The following LPCAT1 variants were observed in gnomAD, a reference collection of about 807,000 sequenced individuals.
LPCAT1 encodes 1-acylglycerol-3-phosphate O-acyltransferase.
A neutral mutation model predicts 60.9 loss-of-function variants in LPCAT1; 23 were observed. The ratio of observed to expected loss-of-function variants is 0.38; its 90% CI spans 0.27 to 0.53. LPCAT1 has a LOEUF of 0.53. Ranked by LOEUF, LPCAT1 falls within the 20% of genes least tolerant of loss-of-function variation. LPCAT1 has a pLI of 0.82. For synonymous variants in LPCAT1, 340 were observed against 301.1 expected (o/e 1.13, Z -1.34); for missense variants, 622 against 723.6 (o/e 0.86, Z 1.61).
chr5:1,493,160 C>T (rs1442638690), intron 3 of LPCAT1, among the ~76,000 whole-genome samples: 1 of 152,228 alleles, frequency 6.6e-6, no homozygotes, highest in East Asian at 1.9e-4. Context: ...TCCAGGCTTC[C>T]CCAGCCAGCC....
intron 13 of LPCAT1, among the ~76,000 whole-genome samples, chr5:1,465,105 A>G (rs1220703306): frequency 7.0e-6 from 1 of 142,308 alleles, no homozygotes; most frequent in East Asian, 2.1e-4. Context: ...ACACATGGTA[A>G]CCACACACAT....
intron 1 of LPCAT1, among the ~76,000 whole-genome samples, chr5:1,515,280 G>C (rs575166359): frequency 6.7e-6 from 1 of 148,214 alleles, no homozygotes; most frequent in Admixed American, 6.7e-5. Flanking sequence ...TCCTGCATCA[G>C]GGGATCCTGC....
intron 1 of LPCAT1, among the ~76,000 whole-genome samples, chr5:1,517,231 GC>G (rs1736532078): frequency 1.3e-5 from 2 of 152,082 alleles, no homozygotes; most frequent in Admixed American, 6.5e-5. Context: ...GCGGCTCCTG[GC>G]CATCCTGAGA....
rs928365598 is a variant in LPCAT1, at chr5:1,461,669, C to A, written c.*1982G>T. 1 of 152,780 alleles carries A rather than the reference C, an allele frequency of 6.5e-6. No individual in the cohort carries two copies. Among genetic ancestry groups the A allele is most frequent in the Non-Finnish European group, 1.5e-5 (1 of 68,040 alleles). 9.5% of individuals were successfully genotyped at this position (152,780 alleles called of 1,614,324 possible). A position where few individuals can be genotyped will look rare whatever the true frequency, so the allele number is the denominator to read the frequency against. On this transcript the variant is annotated 3_prime_UTR_variant, in exon 14 of 14. Coordinates refer to ENST00000283415, the MANE Select transcript of LPCAT1 (RefSeq NM_024830.5). ...AATATCCGCCAACTCTAAGTCGCCACGAAGAGAAAAGAGAATCAGGAGGAA... is the reference window on the plus strand; with the variant it reads ...AATATCCGCCAACTCTAAGTCGCCAAGAAGAGAAAAGAGAATCAGGAGGAA...
chr5:1,520,360 G>T (rs561895524), intron 1 of LPCAT1, among the ~76,000 whole-genome samples: 4 of 152,180 alleles, frequency 2.6e-5, no homozygotes, highest in Non-Finnish European at 5.9e-5. Context: ...AGGCAGGGAG[G>T]GGCAGAATCT....
Position 1,477,116 on chromosome 5 carries a change from A to C in LPCAT1, c.899+288T>G, listed in dbSNP as rs11133792. ...GCCCAGGCCAGCGCCCCGCTGGCTC[A>C]TTTAGGGCACAGGAAACATAGGACC... On this transcript the variant is annotated intron_variant, in intron 9 of 13. Transcript: ENST00000283415. The surrounding 1 kb of genome is among the most constrained non-coding windows in gnomAD (Gnocchi z 6.0). Among the ~76,000 whole-genome samples the C allele has an allele frequency of 0.18, 27,286 of 152,276 alleles. 3,265 individuals carry two copies. The highest frequency in any genetic ancestry group is 0.27 in the Non-Finnish European group (18,188 of 67,982).
intron 1 of LPCAT1, among the ~76,000 whole-genome samples, chr5:1,514,279 G>A (rs772834424): frequency 6.6e-6 from 1 of 152,232 alleles, no homozygotes; most frequent in Non-Finnish European, 1.5e-5. Flanking sequence ...TCTGCCCAGT[G>A]AGCGATATCC....
chr5:1,482,880 C>T (rs1735215819), intron 6 of LPCAT1, among the ~76,000 whole-genome samples: 1 of 152,156 alleles, frequency 6.6e-6, no homozygotes, highest in Non-Finnish European at 1.5e-5. Flanking sequence ...GAGCTCTGGA[C>T]CCCAAACACC....
At chr5:1,511,085 A>G (rs1250733249) in intron 1 of LPCAT1, among the ~76,000 whole-genome samples, 1 of 152,198 alleles carries the variant, frequency 6.6e-6, no homozygotes, top group Non-Finnish European at 1.5e-5. Flanking sequence ...TGGGCCCCTA[A>G]GACGGCACTG....
intron 13 of LPCAT1, among the ~76,000 whole-genome samples, chr5:1,465,004 CAT>C (rs1399242931): frequency 6.7e-6 from 1 of 148,174 alleles, no homozygotes; most frequent in Non-Finnish European, 1.5e-5. Flanking sequence ...CACACAATAA[CAT>C]GCACACACAC....
At chr5:1,484,936 G>C (rs1735314442) in intron 5 of LPCAT1, among the ~76,000 whole-genome samples, 1 of 152,206 alleles carries the variant, frequency 6.6e-6, no homozygotes, top group African/African-American at 2.4e-5. Flanking sequence ...GCTGTGTCAG[G>C]GGAGGCGGAG....
intron 2 of LPCAT1, among the ~76,000 whole-genome samples, chr5:1,498,626 G>C (rs1392317569): frequency 2.0e-5 from 3 of 151,150 alleles, no homozygotes; most frequent in African/African-American, 7.3e-5. Flanking sequence ...ACGTACACTT[G>C]CACATATACA....
At position 1,502,048 on chromosome 5, in the gene LPCAT1, G is replaced by A. The variant is rs181532923; in HGVS notation, c.136-445C>T. 1.9e-4 allele frequency among the ~76,000 whole-genome samples: 29 copies of A among 152,312 alleles called. No homozygotes were observed. The highest frequency in any genetic ancestry group is 3.8e-4 in the Non-Finnish European group (26 of 68,014). ...ACCAAGGCTGACCGGTGCTGATGCCGACCAGCCCTCACCATGGCTGTGGAC... is the reference window on the plus strand; with the variant it reads ...ACCAAGGCTGACCGGTGCTGATGCCAACCAGCCCTCACCATGGCTGTGGAC... On this transcript the variant is annotated intron_variant, in intron 1 of 13. Coordinates refer to ENST00000283415, the MANE Select transcript of LPCAT1 (RefSeq NM_024830.5). This position sits in a 1 kb window ranked among gnomAD's most constrained non-coding sequence, Gnocchi z 5.5.
intron 7 of LPCAT1, 49 bp from the exon 8 acceptor site, chr5:1,479,724 CAAGT>C (rs1560962119): frequency 7.0e-7 from 1 of 1,421,446 alleles, no homozygotes; most frequent in East Asian, 2.3e-5. Flanking sequence ...CTCGGGTTAA[CAAGT>C]AAATTACTCC....
At position 1,521,211 on chromosome 5, in the gene LPCAT1, A is replaced by C. The variant is rs1344053237; in HGVS notation, c.135+2499T>G. 8 of 431,176 alleles carry C rather than the reference A, an allele frequency of 1.9e-5. No homozygotes were observed. Among genetic ancestry groups the C allele is most frequent in the East Asian group, 1.6e-4 (1 of 6,374 alleles). The allele number at this position is 431,176 out of a possible 1,614,324, so 26.7% of individuals were successfully genotyped here. ...TGTTTTCTGTCCAAAGAGATACTTA[A>C]GCTCCTCACTAAATCTGTAGTTAAA... On this transcript the variant is annotated intron_variant, in intron 1 of 13. Transcript: ENST00000283415. This position sits in a 1 kb window ranked among gnomAD's most constrained non-coding sequence, Gnocchi z 4.3.
chr5:1,480,400 G>T lies in LPCAT1; in HGVS notation c.761+542C>A. ...TTCCCGCTCCCTCTGCCCTCCCGAC[G>T]TCAGCTCAGACGTCAGCACCCAGGA... is the stretch of plus-strand genomic sequence containing the variant. On this transcript the variant is annotated intron_variant, in intron 7 of 13. Transcript: ENST00000283415. This position sits in a 1 kb window ranked among gnomAD's most constrained non-coding sequence, Gnocchi z 6.4. 1 of 985,088 alleles carries T rather than the reference G, an allele frequency of 1.0e-6. No individual in the cohort carries two copies. The highest frequency in any genetic ancestry group is 1.2e-6 in the Non-Finnish European group (1 of 829,700). 61.0% of individuals were successfully genotyped at this position (985,088 alleles called of 1,614,324 possible). A position where few individuals can be genotyped will look rare whatever the true frequency, so the allele number is the denominator to read the frequency against.
chr5:1,479,720 T>G (rs774303877), intron 7 of LPCAT1, 45 bp from the exon 8 acceptor site: 24 of 1,471,512 alleles, frequency 1.6e-5, no homozygotes, highest in African/African-American at 2.8e-5. Flanking sequence ...ACAACTCGGG[T>G]TAACAAGTAA....
rs1035734729 is a variant in LPCAT1, at chr5:1,502,736, G to C, written c.136-1133C>G. Among the ~76,000 whole-genome samples, 39 of 152,212 alleles carry C rather than the reference G, an allele frequency of 2.6e-4. No homozygotes were observed. The highest frequency in any genetic ancestry group is 7.2e-4 in the Admixed American group (11 of 15,290). Reference sequence around the variant, plus strand: ...GACCCAGGAGACACAGATCGCAGTTGGCTCCCCAAGCAGCAGCCATCCCTA... The same window carrying C: ...GACCCAGGAGACACAGATCGCAGTTCGCTCCCCAAGCAGCAGCCATCCCTA... On this transcript the variant is annotated intron_variant, in intron 1 of 13. Transcript: ENST00000283415. This position sits in a 1 kb window ranked among gnomAD's most constrained non-coding sequence, Gnocchi z 5.5.
chr5:1,466,828 C>G lies in LPCAT1; in HGVS notation c.1341G>C (p.Thr447=), dbSNP rs770019660. 3 of 1,613,424 alleles carry G rather than the reference C, an allele frequency of 1.9e-6. No homozygotes were observed. The highest frequency in any genetic ancestry group is 2.5e-6 in the Non-Finnish European group (3 of 1,179,574). ...GEGDLSCILK[T]ALGVAELTVT... is the part of the protein sequence containing the mutation. ...CGGTGAGCTCTGCCACCCCCAGGGC[C>G]GTCTTGAGGATGCAGGACAGGTCAC... The change falls in exon 13 of 14, where the codon ACG becomes ACC. Residue 447 remains threonine, a synonymous_variant. Transcript: ENST00000283415.
Sources: gnomAD v4.1 joint callset for allele counts (sites outside exome capture counted in the v4.1 genomes callset) on GRCh38, gnomAD v4.1.1 for gene constraint, Gnocchi (gnomAD v3.1) non-coding constraint, MANE v1.5 for transcripts, NCBI Gene and HGNC (gene_info 2026-07-23, HGNC 2026-07-21) for gene names.